NPR1: variants seen among roughly 807,000 people sequenced by gnomAD.
The protein encoded by NPR1 is atrial natriuretic peptide receptor 1.
NPR1 carries 57 observed loss-of-function variants against 116.9 expected under a neutral mutation model. That is an observed-to-expected ratio of 0.49 (90% confidence interval 0.39 to 0.61). The LOEUF (loss-of-function observed/expected upper bound fraction) is 0.61, where lower values mean the gene tolerates loss of function less well. Ranked by LOEUF, NPR1 falls within the 20% of genes least tolerant of loss-of-function variation. NPR1 has a pLI of 0.00. For missense variants in NPR1, 1,096 were observed against 1,409.8 expected, an observed-to-expected ratio of 0.78 and a Z score of 3.56; for synonymous variants, 555 against 601.6, an observed-to-expected ratio of 0.92 and a Z score of 1.13.
chr1:153,691,178 T>C (rs1195981304), intron 20 of NPR1, among the ~76,000 whole-genome samples: 1 of 152,134 alleles, frequency 6.6e-6, no homozygotes, highest in Non-Finnish European at 1.5e-5. Flanking sequence ...TAATTGTCAT[T>C]TAACTTTTCC....
At chr1:153,680,260 C>A (rs1232651158) in intron 1 of NPR1, among the ~76,000 whole-genome samples, 1 of 151,128 alleles carries the variant, frequency 6.6e-6, no homozygotes, top group Non-Finnish European at 1.5e-5. Context: ...TCTCCCTACC[C>A]GTTCCTTCCT....
At position 153,693,553 on chromosome 1, in the gene NPR1, G is replaced by A; in HGVS notation, c.*139G>A. 5 of 711,074 alleles carry A rather than the reference G, an allele frequency of 7.0e-6. No homozygotes were observed. Among genetic ancestry groups the A allele is most frequent in the Non-Finnish European group, 1.2e-5 (5 of 433,928 alleles). 44.0% of individuals were successfully genotyped at this position (711,074 alleles called of 1,614,324 possible). A position where few individuals can be genotyped will look rare whatever the true frequency, so the allele number is the denominator to read the frequency against. Reference sequence around the variant, plus strand: ...GAATAGCTCAGGTGTGCTGACCCCAGTGAAGACACCAGATAGGACCTCTGA... The same window carrying A: ...GAATAGCTCAGGTGTGCTGACCCCAATGAAGACACCAGATAGGACCTCTGA... On this transcript the variant is annotated 3_prime_UTR_variant, in exon 22 of 22. Coordinates refer to ENST00000368680, the MANE Select transcript of NPR1 (RefSeq NM_000906.4).
Position 153,693,414 on chromosome 1 carries a change from ACCTG to A in NPR1, c.*4_*7del, listed in dbSNP as rs1037459614. On this transcript the variant is annotated 3_prime_UTR_variant, in exon 22 of 22. Transcript: ENST00000368680. ...AGAGGGGGAGTAGCACCCGAGGCTG[ACCTG>A]CCTCCTCTCCTATCCCTCCACACCT... 2 of 1,604,896 alleles carry A rather than the reference ACCTG, an allele frequency of 1.2e-6. No homozygotes were observed. The highest frequency in any genetic ancestry group is 1.4e-5 in the African/African-American group (1 of 73,724).
At chr1:153,684,592 A>G (rs970197657) in intron 7 of NPR1, among the ~76,000 whole-genome samples, 4 of 151,876 alleles carry the variant, frequency 2.6e-5, no homozygotes, top group African/African-American at 7.3e-5. Context: ...GGGTTTCACC[A>G]TGTTGGCCAG....
Position 153,685,888 on chromosome 1 carries a change from TG to T in NPR1, c.1680+12del. The T allele has an allele frequency of 6.2e-7, 1 of 1,611,672 alleles. No homozygotes were observed. Among genetic ancestry groups the T allele is most frequent in the Non-Finnish European group, 8.5e-7 (1 of 1,178,018 alleles). On this transcript the variant is annotated intron_variant, in intron 9 of 21. Coordinates refer to ENST00000368680, the MANE Select transcript of NPR1 (RefSeq NM_000906.4). ...AAGACAGCATATTATAAGGTGGGCC[TG>T]GGGAAAGATCACTGGGCCTTGGGAC...
chr1:153,686,971 AG>A, intron 11 of NPR1, 44 bp from the exon 12 acceptor site: 1 of 1,596,034 alleles, frequency 6.3e-7, no homozygotes, highest in Admixed American at 1.7e-5. Flanking sequence ...TCCAACTCCC[AG>A]GGGGATCTGC....
At position 153,681,308 on chromosome 1, in the gene NPR1, C is replaced by T. The variant is rs368699577; in HGVS notation, c.1035+15C>T. The stretch of plus-strand genomic sequence containing the variant: ...AGGATGGCCTGGTAAGAAGGGGTCC[C>T]GGGACCCTCCAGCGTGGACCTCCAG... On this transcript the variant is annotated intron_variant, in intron 3 of 21. Coordinates refer to ENST00000368680, the MANE Select transcript of NPR1 (RefSeq NM_000906.4). The T allele has an allele frequency of 2.0e-5, 30 of 1,483,494 alleles. 1 individual carries two copies. Among genetic ancestry groups the T allele is most frequent in the Non-Finnish European group, 1.8e-5 (19 of 1,061,680 alleles). 91.9% of individuals were successfully genotyped at this position (1,483,494 alleles called of 1,614,324 possible).
In NPR1 at chr1:153,689,772, C is replaced by T. The variant is rs895501955; in HGVS notation, c.2758-34C>T. ...GTGTGGCCGGCCGCACAGTTGCAGC[C>T]GTCAAGTCCTGCACCCCCTCGCCAC... is the stretch of plus-strand genomic sequence containing the variant. On this transcript the variant is annotated intron_variant, in intron 18 of 21. Transcript: ENST00000368680. The surrounding 1 kb of genome is among the most constrained non-coding windows in gnomAD (Gnocchi z 5.1). 17 of 1,492,228 alleles carry T rather than the reference C, an allele frequency of 1.1e-5. No individual in the cohort carries two copies. The highest frequency in any genetic ancestry group is 2.2e-5 in the Admixed American group (1 of 45,292). The allele number at this position is 1,492,228 out of a possible 1,614,324, so 92.4% of individuals were successfully genotyped here.
At position 153,686,594 on chromosome 1, in the gene NPR1, T is replaced by C. The variant is rs1303261564; in HGVS notation, c.1759-52T>C. 12 of 1,461,354 alleles carry C rather than the reference T, an allele frequency of 8.2e-6. No individual in the cohort carries two copies. In the East Asian group the frequency reaches 2.7e-4, roughly 33 times the overall value. 90.5% of individuals were successfully genotyped at this position (1,461,354 alleles called of 1,614,324 possible). On this transcript the variant is annotated intron_variant, in intron 10 of 21. Coordinates refer to ENST00000368680, the MANE Select transcript of NPR1 (RefSeq NM_000906.4). ...AGGGTCCCTGAAGCTAGTGAGCAGC[T>C]TGGTGAGGAGCGAGGTCTCTGTCAA...
intron 20 of NPR1, among the ~76,000 whole-genome samples, chr1:153,690,814 G>A (rs933628853): frequency 2.6e-5 from 4 of 151,746 alleles, no homozygotes; most frequent in Non-Finnish European, 4.4e-5. Context: ...GTGATGGCAG[G>A]CTCCTGTAAT....
rs770843822 is a variant in NPR1 at position 153,683,503 on chromosome 1, G to A, written c.1391G>A (p.Cys464Tyr). 38 of 1,614,042 alleles carry A rather than the reference G, an allele frequency of 2.4e-5. 1 individual carries two copies. The Admixed American group carries it at 4.7e-4, about 20-fold the overall frequency. Residue 464 changes from cysteine to tyrosine, a missense_variant, in exon 6 of 22, where the codon TGC (cysteine) becomes TAC (tyrosine). Physicochemically the swap from Cys to Tyr is radical, Grantham distance 194 (BLOSUM62 -2). Coordinates refer to ENST00000368680, the MANE Select transcript of NPR1 (RefSeq NM_000906.4). The part of the protein sequence containing the change: ...KCGFDNEDPA[C>Y]NQDHLSTLEV... The stretch of plus-strand genomic sequence containing the variant: ...GGCTTTGACAACGAAGACCCAGCAT[G>A]CAACCAAGGTGACTGCCCCTTGCCT...
chr1:153,680,816 C>T (rs371904987), intron 2 of NPR1, 116 bp downstream of exon 2: 1 of 797,536 alleles, frequency 1.3e-6, no homozygotes, highest in South Asian at 1.8e-5. Flanking sequence ...CTGTTTGTTT[C>T]TTTATGCACT....
intron 2 of NPR1, 68 bp downstream of exon 2, chr1:153,680,768 C>A: frequency 7.7e-7 from 1 of 1,292,368 alleles, no homozygotes; most frequent in Non-Finnish European, 1.1e-6. Flanking sequence ...CACTGTGTCC[C>A]TCAGCGTCTG....
intron 20 of NPR1, 110 bp downstream of exon 20, chr1:153,690,492 C>T: frequency 1.4e-6 from 1 of 703,208 alleles, no homozygotes; most frequent in Non-Finnish European, 2.4e-6. Context: ...GCCCTTTCGC[C>T]TCCCAAGTTC....
intron 15 of NPR1, chr1:153,688,723 C>G: frequency 1.7e-6 from 1 of 576,852 alleles, no homozygotes; most frequent in East Asian, 2.9e-5. Context: ...CAAAGATGAA[C>G]AAAATGTCCA....
At chr1:153,683,845 T>A in intron 7 of NPR1, 21 bp downstream of exon 7, 2 of 1,607,508 alleles carry the variant, frequency 1.2e-6, no homozygotes, top group South Asian at 2.2e-5. Flanking sequence ...ATGTGGGGGG[T>A]TGAGTGAGGC....
chr1:153,688,238 A>G lies in NPR1; in HGVS notation c.2417+17A>G. 6.2e-7 allele frequency: 1 copy of G among 1,610,480 alleles called. No homozygotes were observed. Among genetic ancestry groups the G allele is most frequent in the South Asian group, 1.1e-5 (1 of 90,706 alleles). On this transcript the variant is annotated intron_variant, in intron 15 of 21. Coordinates refer to ENST00000368680, the MANE Select transcript of NPR1 (RefSeq NM_000906.4). Reference sequence around the variant, plus strand: ...ATTTAACAGGTCCCTGGTGTTTGTCATGGATCCCCCAGGCCCTTCCTCCAC... The same window carrying G: ...ATTTAACAGGTCCCTGGTGTTTGTCGTGGATCCCCCAGGCCCTTCCTCCAC...
At position 153,685,093 on chromosome 1, in the gene NPR1, G is replaced by A. The variant is rs538560792; in HGVS notation, c.1605+9G>A. 239 of 1,613,376 alleles carry A rather than the reference G, an allele frequency of 1.5e-4. 1 individual carries two copies. The highest frequency in any genetic ancestry group is 1.4e-3 in the Middle Eastern group (8 of 5,868). On this transcript the variant is annotated intron_variant, in intron 8 of 21. Coordinates refer to ENST00000368680, the MANE Select transcript of NPR1 (RefSeq NM_000906.4). ...GGCTGACCCTGAGCGGGGTAAGAAC[G>A]CTGGTGTTTGTGTTGGGGGGCAATA...
In NPR1 at chr1:153,687,299, T is replaced by C; in HGVS notation, c.2035T>C (p.Tyr679His). The C allele has an allele frequency of 6.2e-7, 1 of 1,614,126 alleles. No homozygotes were observed. The highest frequency in any genetic ancestry group is 8.5e-7 in the Non-Finnish European group (1 of 1,179,980). The change falls in exon 13 of 22, where the codon TAT (tyrosine) becomes CAT (histidine). Residue 679 changes from tyrosine to histidine, a missense_variant. Physicochemically the swap from Tyr to His is moderately conservative, Grantham distance 83. Transcript: ENST00000368680. Reference sequence around the variant, plus strand: ...GCGCTTTGTGCTCAAGATCACCGACTATGGGCTGGAGAGCTTCAGGGACCT... The same window carrying C: ...GCGCTTTGTGCTCAAGATCACCGACCATGGGCTGGAGAGCTTCAGGGACCT... ...DGRFVLKITD[Y>H]GLESFRDLDP...
Sources: allele counts gnomAD v4.1 joint callset (sites outside exome capture counted in the v4.1 genomes callset), GRCh38; gene constraint gnomAD v4.1.1; non-coding constraint Gnocchi (gnomAD v3.1); transcripts MANE v1.5; gene names NCBI Gene and HGNC (gene_info 2026-07-23, HGNC 2026-07-21).